The following ASIP variants were observed in gnomAD, a reference collection of about 807,000 sequenced individuals.
The protein encoded by ASIP is agouti-signaling protein.
In ASIP, 11 loss-of-function variants were observed where a neutral mutation model predicts 10.3. The ratio of observed to expected loss-of-function variants is 1.07; its 90% CI spans 0.68 to 1.78. The LOEUF (loss-of-function observed/expected upper bound fraction) is 1.78, where lower values mean the gene tolerates loss of function less well. ASIP is among the 40% of genes most tolerant of loss of function. The probability of loss-of-function intolerance (pLI) is 0.00; values close to 1 mark genes in which losing one functional copy is unlikely to be tolerated. For synonymous variants in ASIP, 70 were observed against 70.8 expected, an observed-to-expected ratio of 0.99 and a Z score of 0.06; for missense variants, 180 against 169.2, an observed-to-expected ratio of 1.06 and a Z score of -0.35.
intron 1 of ASIP, chr20:34,214,702 T>C (rs781524398): frequency 1.2e-5 from 13 of 1,105,000 alleles, no homozygotes; most frequent in Non-Finnish European, 1.8e-5. Flanking sequence ...TTCAAAGTTA[T>C]ATTCTTCATC....
At chr20:34,260,950 A>G (rs2035679402) in intron 2 of ASIP, among the ~76,000 whole-genome samples, 1 of 152,164 alleles carries the variant, frequency 6.6e-6, no homozygotes, top group Non-Finnish European at 1.5e-5. Context: ...GGGGCACTGG[A>G]GCCTGGCATT....
chr20:34,269,116 C>A lies in ASIP; in HGVS notation c.348C>A (p.Cys116Ter). 6.4e-7 allele frequency: 1 copy of A among 1,560,454 alleles called. No individual in the cohort carries two copies. Among genetic ancestry groups the A allele is most frequent in the Non-Finnish European group, 8.7e-7 (1 of 1,152,818 alleles). Reference sequence around the variant, plus strand: ...GCGACCCGTGCGCCTCCTGCCAGTGCCGCTTCTTCCGCAGCGCCTGCTCCT... The same window carrying A: ...GCGACCCGTGCGCCTCCTGCCAGTGACGCTTCTTCCGCAGCGCCTGCTCCT... ...ACCDPCASCQ[C>*]RFFRSACSCR... Residue 116 changes from cysteine (C) to a stop codon, truncating the protein, a stop_gained, in exon 4 of 4, where the codon TGC becomes TGA. Coordinates refer to ENST00000374954, the MANE Select transcript of ASIP (RefSeq NM_001672.3). LOFTEE classifies it high-confidence loss of function.
the ASIP span, among the ~76,000 whole-genome samples, chr20:34,187,455 T>G: frequency 5.3e-5 from 8 of 152,226 alleles, no homozygotes; most frequent in African/African-American, 1.9e-4. Context: ...GTGTGTAAGG[T>G]TTGTCAGTTT....
At chr20:34,210,478 C>T (rs886216789) in intron 1 of ASIP, among the ~76,000 whole-genome samples, 4 of 152,258 alleles carry the variant, frequency 2.6e-5, no homozygotes, top group African/African-American at 9.6e-5. Context: ...AGCTGACATG[C>T]TTGACTGTGC....
At chr20:34,208,766 A>T (rs2034954024) in intron 1 of ASIP, among the ~76,000 whole-genome samples, 1 of 152,100 alleles carries the variant, frequency 6.6e-6, no homozygotes, top group Non-Finnish European at 1.5e-5. Flanking sequence ...ATGGCTTTCC[A>T]TTTTTTGGTG....
At chr20:34,267,459 C>CAAAAAAAA (rs953440256) in intron 3 of ASIP, among the ~76,000 whole-genome samples, 15 of 46,264 alleles carry the variant, frequency 3.2e-4, no homozygotes, top group East Asian at 7.1e-4. Flanking sequence ...AACTGGCTCT[C>CAAAAAAAA]AAAAAAAAAA....
At chr20:34,216,010 T>G in intron 1 of ASIP, 2 of 698,376 alleles carry the variant, frequency 2.9e-6, no homozygotes, top group South Asian at 2.9e-5. Context: ...AACTCCATGG[T>G]CAGCCAGCGG....
chr20:34,209,973 C>T (rs1254886358), intron 1 of ASIP, among the ~76,000 whole-genome samples: 1 of 152,154 alleles, frequency 6.6e-6, no homozygotes, highest in East Asian at 1.9e-4. Context: ...CTTTTGAGGC[C>T]CATAAGAGCC....
chr20:34,217,728 AT>A (rs1348815136), intron 1 of ASIP, among the ~76,000 whole-genome samples: 2 of 151,946 alleles, frequency 1.3e-5, no homozygotes, highest in South Asian at 2.1e-4. Context: ...CGCCCGGCTA[AT>A]TTTTTTGTAC....
chr20:34,235,828 AGAAAGAAAGAAAGAAG>A (rs1202705531), intron 1 of ASIP, among the ~76,000 whole-genome samples: 1 of 67,156 alleles, frequency 1.5e-5, no homozygotes, highest in African/African-American at 1.5e-4. Flanking sequence ...AAAGAAAGAA[AGAAAGAAAGAAAGAAG>A]GAAGGAAGGA....
At chr20:34,187,591 A>T in the ASIP span, among the ~76,000 whole-genome samples, 1 of 152,250 alleles carries the variant, frequency 6.6e-6, no homozygotes, top group Non-Finnish European at 1.5e-5. Context: ...AGAGACTCAG[A>T]TATTTTATTT....
At chr20:34,260,184 T>A (rs1568769922) in intron 1 of ASIP, among the ~76,000 whole-genome samples, 181 bp from the exon 2 acceptor site, 1 of 151,924 alleles carries the variant, frequency 6.6e-6, no homozygotes, top group Non-Finnish European at 1.5e-5. Flanking sequence ...CCATCTCTCT[T>A]CTCTCTTCTT....
At chr20:34,223,506 G>GC (rs1244930479) in intron 1 of ASIP, among the ~76,000 whole-genome samples, 5 of 150,854 alleles carry the variant, frequency 3.3e-5, no homozygotes, top group East Asian at 3.9e-4. Flanking sequence ...TGGGGGGTCA[G>GC]CCCCCCCGCC....
intron 1 of ASIP, among the ~76,000 whole-genome samples, chr20:34,206,363 C>T (rs1339808470): frequency 6.6e-6 from 1 of 152,146 alleles, no homozygotes; most frequent in Non-Finnish European, 1.5e-5. Context: ...CCCTTCCCAC[C>T]TTCTCAAAAA....
At chr20:34,206,390 A>G (rs1481351097) in intron 1 of ASIP, among the ~76,000 whole-genome samples, 1 of 151,952 alleles carries the variant, frequency 6.6e-6, no homozygotes, top group East Asian at 1.9e-4. Context: ...TCCATTCACT[A>G]CCTTTCTGAT....
At position 34,226,506 on chromosome 20, in the gene ASIP, C is replaced by T. The variant is rs576412803; in HGVS notation, c.-11+31746C>T. Among the ~76,000 whole-genome samples, 320 of 152,204 alleles carry T rather than the reference C, an allele frequency of 2.1e-3. 3 individuals carry two copies. The highest frequency in any genetic ancestry group is 7.5e-3 in the African/African-American group (312 of 41,526). On this transcript the variant is annotated intron_variant, in intron 1 of 3. Transcript: ENST00000568305. ...TAGCTGGGACTACAGGTGCACACCA[C>T]AAGGCCCGGCTAATTTTTATATTTT...
At chr20:34,246,994 T>G (rs2035387482) in intron 1 of ASIP, among the ~76,000 whole-genome samples, 1 of 152,002 alleles carries the variant, frequency 6.6e-6, no homozygotes, top group South Asian at 2.1e-4. Flanking sequence ...TGTTTTTTTG[T>G]TTTTTGTTTT....
the ASIP span, among the ~76,000 whole-genome samples, chr20:34,189,303 C>T: frequency 8.6e-5 from 13 of 151,966 alleles, 1 homozygote; most frequent in African/African-American, 2.9e-4. Context: ...AGTGCAGTGG[C>T]GTGATCTCGG....
chr20:34,225,145 G>A (rs1326683298), intron 1 of ASIP, among the ~76,000 whole-genome samples: 2 of 145,038 alleles, frequency 1.4e-5, no homozygotes, highest in Non-Finnish European at 3.0e-5. Flanking sequence ...GGGTTCAAGC[G>A]ATTCTCCTAC....
Sources: gnomAD v4.1 joint callset for allele counts (sites outside exome capture counted in the v4.1 genomes callset) on GRCh38, gnomAD v4.1.1 for gene constraint, MANE v1.5 for transcripts, NCBI Gene and HGNC (gene_info 2026-07-23, HGNC 2026-07-21) for gene names.